The following RPTOR variants were observed in gnomAD, a reference collection of about 807,000 sequenced individuals.
RPTOR encodes the protein regulatory-associated protein of mTOR.
A neutral mutation model predicts 169.9 loss-of-function variants in RPTOR; 21 were observed. The ratio of observed to expected loss-of-function variants is 0.12; its 90% confidence interval spans 0.09 to 0.18. RPTOR has a LOEUF of 0.18. Ranked by LOEUF, RPTOR falls within the 10% of genes least tolerant of loss-of-function variation. RPTOR has a pLI of 1.00. For missense variants in RPTOR, 1,133 were observed against 1,855.9 expected, an observed-to-expected ratio of 0.61 and a Z score of 7.16; for synonymous variants, 732 against 753.2, an observed-to-expected ratio of 0.97 and a Z score of 0.46.
chr17:80,658,343 AT>A (rs1567842688), intron 3 of RPTOR, among the ~76,000 whole-genome samples: 1 of 151,996 alleles, frequency 6.6e-6, no homozygotes, highest in Non-Finnish European at 1.5e-5. Context: ...TTTTACCTCT[AT>A]TTCATTTTTG....
intron 1 of RPTOR, among the ~76,000 whole-genome samples, chr17:80,595,464 T>TC (rs1354355155): frequency 1.6e-4 from 23 of 144,388 alleles, no homozygotes; most frequent in Middle Eastern, 3.7e-3. Flanking sequence ...ACAGGGTTTT[T>TC]CCCCCCCCTT....
chr17:80,615,846 C>T (rs534834373), intron 1 of RPTOR, among the ~76,000 whole-genome samples: 4 of 152,084 alleles, frequency 2.6e-5, no homozygotes, highest in South Asian at 2.1e-4. Context: ...AGGTTTATGC[C>T]GTGGCAGCTG....
chr17:80,922,852 A>G, intron 22 of RPTOR, 25 bp downstream of exon 22: 1 of 1,535,788 alleles, frequency 6.5e-7, no homozygotes, highest in East Asian at 2.4e-5. Flanking sequence ...CTCAGCCTGC[A>G]GGTCCGTGGT....
chr17:80,942,604 G>A (rs528387388), intron 25 of RPTOR, among the ~76,000 whole-genome samples: 16 of 152,134 alleles, frequency 1.1e-4, no homozygotes, highest in African/African-American at 2.4e-4. Flanking sequence ...CTCTGTCCTC[G>A]GAATTCGGAT....
chr17:80,640,382 TAAA>T (rs2065543560), intron 2 of RPTOR, among the ~76,000 whole-genome samples: 1 of 152,260 alleles, frequency 6.6e-6, no homozygotes, highest in Non-Finnish European at 1.5e-5. Context: ...AATCAAATGC[TAAA>T]TGCATCGTTT....
chr17:80,885,037 C>T lies in RPTOR; in HGVS notation c.1872C>T (p.Gly624=), dbSNP rs2068228904. ...EVRCAAVFAL[G]TFVGNSAERT... ...GCTGCGCAGCGGTCTTCGCCCTTGG[C>T]ACGTTCGTGGGCAACTCTGCAGAGA... Residue 624 remains glycine (G), a synonymous_variant, in exon 17 of 34, where the codon GGC becomes GGT. Transcript: ENST00000306801. 6.2e-7 allele frequency: 1 copy of T among 1,609,520 alleles called. No homozygotes were observed. The highest frequency in any genetic ancestry group is 8.5e-7 in the Non-Finnish European group (1 of 1,178,690).
At chr17:80,620,047 C>T (rs1279781172) in intron 1 of RPTOR, among the ~76,000 whole-genome samples, 1 of 152,158 alleles carries the variant, frequency 6.6e-6, no homozygotes, top group Non-Finnish European at 1.5e-5. Flanking sequence ...GTCAGAACTT[C>T]AGAATCTGAA....
intron 3 of RPTOR, among the ~76,000 whole-genome samples, chr17:80,686,361 A>AT (rs1555607187): frequency 6.9e-6 from 1 of 145,426 alleles, no homozygotes; most frequent in African/African-American, 2.7e-5. Context: ...TAATTTTTTT[A>AT]TTTTTAGTAG....
At chr17:80,884,237 G>A (rs558553550) in intron 16 of RPTOR, among the ~76,000 whole-genome samples, 9 of 152,350 alleles carry the variant, frequency 5.9e-5, no homozygotes, top group East Asian at 1.9e-4. Context: ...CAGGGGTCAC[G>A]TGCTCGCTGT....
intron 1 of RPTOR, among the ~76,000 whole-genome samples, chr17:80,573,307 G>C (rs2064927479): frequency 1.3e-5 from 2 of 152,116 alleles, no homozygotes; most frequent in Admixed American, 1.3e-4. Flanking sequence ...AAAATTTGGG[G>C]GGTATTTGAT....
intron 5 of RPTOR, among the ~76,000 whole-genome samples, chr17:80,741,616 T>C (rs2066482551): frequency 6.6e-6 from 1 of 152,222 alleles, no homozygotes; most frequent in Admixed American, 6.5e-5. Flanking sequence ...TGTGGGGTCC[T>C]ATCAGAGATG....
In RPTOR at chr17:80,911,402, A is replaced by G. The variant is rs1172959430; in HGVS notation, c.2520+2473A>G. Among the ~76,000 whole-genome samples the G allele has an allele frequency of 2.6e-5, 4 of 152,244 alleles. No homozygotes were observed. In the East Asian group the frequency reaches 5.8e-4, roughly 22 times the overall value. ...CTGGCCTGTTGAAAATAGCCAGTCA[A>G]TTAAGTTAATGTTTTCATTATGCGG... On this transcript the variant is annotated intron_variant, in intron 21 of 33. Coordinates refer to ENST00000306801, the MANE Select transcript of RPTOR (RefSeq NM_020761.3).
intron 2 of RPTOR, among the ~76,000 whole-genome samples, chr17:80,628,694 C>T (rs1657595606): frequency 6.6e-6 from 1 of 151,930 alleles, no homozygotes; most frequent in African/African-American, 2.4e-5. Flanking sequence ...CCAGGCTGGG[C>T]TATACTTGAA....
chr17:80,904,033 G>A (rs2068509569), intron 20 of RPTOR, among the ~76,000 whole-genome samples: 2 of 152,238 alleles, frequency 1.3e-5, no homozygotes, highest in South Asian at 2.1e-4. Flanking sequence ...TGTCTCGTAG[G>A]GGTACTGAAT....
chr17:80,565,403 A>G (rs2084568748), intron 1 of RPTOR, among the ~76,000 whole-genome samples: 1 of 152,218 alleles, frequency 6.6e-6, no homozygotes, highest in Admixed American at 6.5e-5. Flanking sequence ...TGGTGGTCAC[A>G]CACCATGGGG....
chr17:80,831,618 A>G (rs1193387414), intron 9 of RPTOR, among the ~76,000 whole-genome samples: 1 of 152,202 alleles, frequency 6.6e-6, no homozygotes, highest in Non-Finnish European at 1.5e-5. Flanking sequence ...GGAGGCAGAG[A>G]TGTCAGATCT....
intron 5 of RPTOR, chr17:80,743,471 C>G (rs1481516108): frequency 2.0e-6 from 2 of 984,592 alleles, no homozygotes; most frequent in East Asian, 2.3e-4. Flanking sequence ...AACACGTGAC[C>G]CACTTGTGTG....
At chr17:80,616,866 C>A (rs376338340) in intron 1 of RPTOR, among the ~76,000 whole-genome samples, 1 of 152,174 alleles carries the variant, frequency 6.6e-6, no homozygotes, top group Admixed American at 6.5e-5. Flanking sequence ...AAACACGACT[C>A]GATCTCTTAA....
At chr17:80,961,117 G>A in intron 30 of RPTOR, 1 of 452,590 alleles carries the variant, frequency 2.2e-6, no homozygotes. Context: ...TCTCTGGGCA[G>A]CTTCCATGTG....
Sources: gnomAD v4.1 joint callset for allele counts (sites outside exome capture counted in the v4.1 genomes callset) on GRCh38, gnomAD v4.1.1 for gene constraint, MANE v1.5 for transcripts, NCBI Gene and HGNC (gene_info 2026-07-23, HGNC 2026-07-21) for gene names.